Variants in RAB37 observed in about 807,000 individuals in gnomAD.
RAB37 encodes the protein RAB37, member RAS oncogene family.
In RAB37, 29 loss-of-function variants were observed where a neutral mutation model predicts 33.1. The observed-to-expected ratio is 0.88, with a 90% CI of 0.65 to 1.20. The LOEUF (loss-of-function observed/expected upper bound fraction) is 1.20. Among genes scored for constraint, RAB37 ranks in the 50% most tolerant of loss-of-function variants. RAB37 has a pLI of 0.00. For missense variants in RAB37, 299 were observed against 301.1 expected (o/e 0.99, Z 0.05); for synonymous variants, 128 against 119.5 (o/e 1.07, Z -0.47).
intron 1 of RAB37, among the ~76,000 whole-genome samples, chr17:74,701,860 A>C (rs1487166629): frequency 2.6e-5 from 4 of 151,598 alleles, no homozygotes; most frequent in African/African-American, 7.3e-5. Context: ...AAAAAAAAAA[A>C]AAAAAACAAT....
At chr17:74,712,978 A>C (rs932088065) in intron 1 of RAB37, 2 of 1,102,634 alleles carry the variant, frequency 1.8e-6, no homozygotes, top group Non-Finnish European at 1.3e-6. Context: ...TTCCTCCTTC[A>C]GTCACTTCCC....
chr17:74,681,939 A>G (rs1194188449), intron 1 of RAB37, among the ~76,000 whole-genome samples: 3 of 152,174 alleles, frequency 2.0e-5, no homozygotes, highest in Non-Finnish European at 2.9e-5. Flanking sequence ...ATTTTCTTAG[A>G]GTAGGAGGCA....
At chr17:74,720,211 A>G (rs965540250) in intron 1 of RAB37, among the ~76,000 whole-genome samples, 8 of 152,196 alleles carry the variant, frequency 5.3e-5, no homozygotes, top group Admixed American at 5.2e-4. Context: ...GAGGGAGCAC[A>G]CAGGCAAGTG....
chr17:74,695,387 C>G, intron 1 of RAB37: 1 of 1,053,902 alleles, frequency 9.5e-7, no homozygotes, highest in Non-Finnish European at 1.4e-6. Context: ...CAGCTTCCCC[C>G]TTCACTCTGC....
In RAB37 at chr17:74,703,447, T is replaced by A. The variant is rs139944384; in HGVS notation, c.73-25809T>A. Among the ~76,000 whole-genome samples, 10 of 152,158 alleles carry A rather than the reference T, an allele frequency of 6.6e-5. No homozygotes were observed. The East Asian group carries it at 1.9e-3, about 29-fold the overall frequency. ...TTGAGCAACCTGCTGCTTATGACAG[T>A]GCCTTGGTCAATCTCCACCCCCAGC... On this transcript the variant is annotated intron_variant, in intron 1 of 7. Transcript: ENST00000340415.
In RAB37 at chr17:74,741,014, C is replaced by T; in HGVS notation, c.204+136C>T. Reference sequence around the variant, plus strand: ...ATGCCTGGAGGGCACACAACCCGCTCCCCCAAGACCACAGAGGTGGCCGGG... The same window carrying T: ...ATGCCTGGAGGGCACACAACCCGCTTCCCCAAGACCACAGAGGTGGCCGGG... On this transcript the variant is annotated intron_variant, in intron 2 of 8. Transcript: ENST00000392613. 4.4e-6 allele frequency: 3 copies of T among 684,196 alleles called. No individual in the cohort carries two copies. The Admixed American group carries it at 7.1e-5, about 16-fold the overall frequency. The allele number at this position is 684,196 out of a possible 1,614,324, so 42.4% of individuals were successfully genotyped here.
chr17:74,674,536 G>A (rs2031780798), intron 1 of RAB37, among the ~76,000 whole-genome samples: 2 of 152,074 alleles, frequency 1.3e-5, no homozygotes, highest in South Asian at 4.1e-4. Context: ...AAATCAGCTA[G>A]GCGTGGTAAC....
At chr17:74,695,781 T>C (rs750520172) in intron 1 of RAB37, 1 of 1,614,172 alleles carries the variant, frequency 6.2e-7, no homozygotes, top group Non-Finnish European at 8.5e-7. Flanking sequence ...AGCTTCGTGG[T>C]AGCCTTTTGC....
rs114055689 is a variant in RAB37, at chr17:74,721,200, C to A, written c.73-8056C>A. 4.1e-3 allele frequency among the ~76,000 whole-genome samples: 627 copies of A among 152,288 alleles called. 8 individuals are homozygous for A. Among genetic ancestry groups the A allele is most frequent in the African/African-American group, 0.014 (563 of 41,556 alleles). ...AGGAATGCATGTTCTCATTTAGGGC[C>A]GCAGGTCCAGGCTTGAGGGTGGAGC... is the stretch of plus-strand genomic sequence containing the variant. On this transcript the variant is annotated intron_variant, in intron 1 of 7. Coordinates refer to the RAB37 transcript ENST00000340415.
intron 1 of RAB37, among the ~76,000 whole-genome samples, chr17:74,685,305 C>T (rs2032032454): frequency 6.6e-6 from 1 of 152,154 alleles, no homozygotes; most frequent in Non-Finnish European, 1.5e-5. Flanking sequence ...CCACCTCAGC[C>T]TCCCAAGTAG....
chr17:74,697,929 C>T (rs550463751), intron 1 of RAB37, among the ~76,000 whole-genome samples: 5 of 152,236 alleles, frequency 3.3e-5, no homozygotes, highest in Admixed American at 6.5e-5. Flanking sequence ...CCCATGATCG[C>T]GCATGTGTGT....
upstream of RAB37, among the ~76,000 whole-genome samples, chr17:74,735,766 C>A (rs1214010644): frequency 6.6e-6 from 1 of 152,222 alleles, no homozygotes; most frequent in Non-Finnish European, 1.5e-5. Flanking sequence ...TGTCCCCACT[C>A]TGGGCGCTTC....
chr17:74,689,673 T>G (rs2032123572), intron 1 of RAB37, among the ~76,000 whole-genome samples: 1 of 152,192 alleles, frequency 6.6e-6, no homozygotes, highest in South Asian at 2.1e-4. Flanking sequence ...GTATCTGTCC[T>G]TGCCAATCTA....
intron 1 of RAB37, among the ~76,000 whole-genome samples, chr17:74,697,751 T>C (rs2032634026): frequency 6.6e-6 from 1 of 152,146 alleles, no homozygotes; most frequent in South Asian, 2.1e-4. Flanking sequence ...GAAGAGCTAG[T>C]TCACAAAGGG....
intron 1 of RAB37, chr17:74,695,347 T>G (rs2032337248): frequency 4.9e-6 from 7 of 1,442,478 alleles, no homozygotes; most frequent in South Asian, 1.3e-5. Flanking sequence ...GGATGGACCA[T>G]TCAGGGCTTC....
intron 1 of RAB37, among the ~76,000 whole-genome samples, chr17:74,688,826 G>A (rs1297840982): frequency 6.6e-6 from 1 of 152,144 alleles, no homozygotes; most frequent in Non-Finnish European, 1.5e-5. Context: ...AGAATTTCTT[G>A]CTTCATGTTA....
intron 1 of RAB37, chr17:74,703,275 A>AGAT: frequency 3.0e-6 from 2 of 661,680 alleles, no homozygotes; most frequent in Admixed American, 2.7e-5. Context: ...TGCAGCCTGG[A>AGAT]CCACTCATGT....
At chr17:74,703,169 C>T (rs752748945) in intron 1 of RAB37, 1 of 1,594,738 alleles carries the variant, frequency 6.3e-7, no homozygotes, top group African/African-American at 1.3e-5. Flanking sequence ...GGTGTATAAA[C>T]CAGATCACAG....
intron 1 of RAB37, among the ~76,000 whole-genome samples, chr17:74,715,900 G>A (rs1456469155): frequency 1.3e-5 from 2 of 152,142 alleles, no homozygotes; most frequent in Non-Finnish European, 2.9e-5. Flanking sequence ...CATGGTGGTG[G>A]ATGTCTGTAA....
Sources: gnomAD v4.1 joint callset for allele counts (sites outside exome capture counted in the v4.1 genomes callset) on GRCh38, gnomAD v4.1.1 for gene constraint, MANE v1.5 for transcripts, NCBI Gene and HGNC (gene_info 2026-07-23, HGNC 2026-07-21) for gene names.